ZSWIM5: variants seen among roughly 807,000 people sequenced by gnomAD.
ZSWIM5 encodes the protein zinc finger SWIM-type containing 5, also known as zinc finger SWIM domain-containing protein 5.
Under a neutral mutation model 119.6 loss-of-function variants are expected in ZSWIM5, and 55 were observed. The observed-to-expected ratio is 0.46, with a 90% confidence interval of 0.37 to 0.58. The LOEUF is 0.58. ZSWIM5 is among the 20% of genes least tolerant of loss of function. ZSWIM5 has a pLI of 0.00. For missense variants in ZSWIM5, 1,193 were observed against 1,512.8 expected (o/e 0.79, Z 3.51); for synonymous variants, 537 against 606.9 (o/e 0.88, Z 1.69).
intron 5 of ZSWIM5, among the ~76,000 whole-genome samples, chr1:45,049,613 A>ATT (rs1645078185): frequency 2.0e-5 from 3 of 152,154 alleles, no homozygotes; most frequent in South Asian, 2.1e-4. Context: ...GAGGAGTTTG[A>ATT]CACCAGCCTG....
At chr1:45,098,878 C>G (rs979462755) in intron 1 of ZSWIM5, among the ~76,000 whole-genome samples, 1 of 152,216 alleles carries the variant, frequency 6.6e-6, no homozygotes, top group African/African-American at 2.4e-5. Flanking sequence ...ATACGAGAAT[C>G]TCTGGGACAC....
chr1:45,018,868 GAGAGCACAAGCCC>G lies in ZSWIM5; in HGVS notation c.3131_3143del (p.Trp1044SerfsTer18). On this transcript the variant is annotated frameshift_variant, in exon 14 of 14. Coordinates refer to ENST00000359600, the MANE Select transcript of ZSWIM5 (RefSeq NM_020883.2). LOFTEE classifies it high-confidence loss of function. This position sits in a 1 kb window ranked among gnomAD's most constrained non-coding sequence, Gnocchi z 6.7. ...GCTCATTCTTGCCCAGAGAGTGGCT[GAGAGCACAAGCCC>G]AGAGCACATCATTGATGGCTGGGTG... The G allele has an allele frequency of 8.1e-6, 13 of 1,614,252 alleles. No homozygotes were observed. The highest frequency in any genetic ancestry group is 1.0e-5 in the Non-Finnish European group (12 of 1,180,040).
chr1:45,066,455 T>C (rs1645184586), intron 2 of ZSWIM5, among the ~76,000 whole-genome samples: 1 of 152,144 alleles, frequency 6.6e-6, no homozygotes, highest in African/African-American at 2.4e-5. Flanking sequence ...AAAGAAGGCT[T>C]CTCTGAGAAA....
intron 1 of ZSWIM5, among the ~76,000 whole-genome samples, chr1:45,112,591 C>A (rs1477973921): frequency 6.6e-6 from 1 of 152,102 alleles, no homozygotes; most frequent in Non-Finnish European, 1.5e-5. Context: ...AAAATGACTC[C>A]TGATTGGTAA....
chr1:45,077,687 C>G (rs367976189), intron 2 of ZSWIM5, among the ~76,000 whole-genome samples: 28 of 152,220 alleles, frequency 1.8e-4, no homozygotes, highest in African/African-American at 6.0e-4. Context: ...AGCCTGGGAG[C>G]GCTATGGGAG....
At chr1:45,070,759 T>C (rs1482913494) in intron 2 of ZSWIM5, among the ~76,000 whole-genome samples, 3 of 152,206 alleles carry the variant, frequency 2.0e-5, no homozygotes, top group Admixed American at 2.0e-4. Flanking sequence ...GATAATAACT[T>C]GCTAGTTTTT....
At chr1:45,025,515 A>C (rs940110364) in intron 11 of ZSWIM5, among the ~76,000 whole-genome samples, 4 of 152,166 alleles carry the variant, frequency 2.6e-5, no homozygotes, top group Non-Finnish European at 5.9e-5. Context: ...AGTATTCCTC[A>C]TATCAATCTT....
intron 8 of ZSWIM5, among the ~76,000 whole-genome samples, chr1:45,036,967 T>C (rs905508296): frequency 1.9e-4 from 29 of 150,972 alleles, no homozygotes; most frequent in African/African-American, 7.1e-4. Flanking sequence ...CCCAGATAAT[T>C]TTTAATTTTT....
At chr1:45,196,047 T>G (rs1031570375) in intron 1 of ZSWIM5, among the ~76,000 whole-genome samples, 2 of 148,010 alleles carry the variant, frequency 1.4e-5, no homozygotes, top group Non-Finnish European at 3.0e-5. Flanking sequence ...TTTTTTTTTT[T>G]TTTTTTTTTT....
At chr1:45,026,394 C>A (rs1459959561) in intron 11 of ZSWIM5, among the ~76,000 whole-genome samples, 1 of 151,406 alleles carries the variant, frequency 6.6e-6, no homozygotes, top group Non-Finnish European at 1.5e-5. Context: ...CTCCTCTATT[C>A]CTAGTTTGCT....
chr1:45,028,291 A>T (rs974451391), intron 11 of ZSWIM5, among the ~76,000 whole-genome samples: 8 of 152,242 alleles, frequency 5.3e-5, no homozygotes, highest in Admixed American at 6.5e-5. Context: ...ACCCAAGGTC[A>T]TGAAGACTTA....
In ZSWIM5 at chr1:45,166,181, G is replaced by A. The variant is rs560496756; in HGVS notation, c.595+39575C>T. On this transcript the variant is annotated intron_variant, in intron 1 of 13. Transcript: ENST00000359600. ...GTTCAACATATGCAAATCAATAAAC[G>A]TAATCCATCATATAAACAGAACCAA... Among the ~76,000 whole-genome samples the A allele has an allele frequency of 2.4e-4, 36 of 151,824 alleles. No homozygotes were observed. In the South Asian group the frequency reaches 5.2e-3, roughly 22 times the overall value.
chr1:45,045,057 G>T (rs1645045981), intron 5 of ZSWIM5, among the ~76,000 whole-genome samples: 1 of 16,786 alleles, frequency 6.0e-5, no homozygotes, highest in Non-Finnish European at 1.4e-4. Context: ...TTTTCTCACT[G>T]GAGTCTTATC....
Position 45,206,406 on chromosome 1 carries a change from G to C in ZSWIM5, c.-56C>G, listed in dbSNP as rs867710905. 291 of 1,334,726 alleles carry C rather than the reference G, an allele frequency of 2.2e-4. No homozygotes were observed. The Middle Eastern group carries it at 2.9e-3, about 13-fold the overall frequency. 82.7% of individuals were successfully genotyped at this position (1,334,726 alleles called of 1,614,324 possible). On this transcript the variant is annotated 5_prime_UTR_variant, in exon 1 of 14. Transcript: ENST00000359600. ...CGGCGGCTGCTCGGGCTGCGGCGGA[G>C]ACCCTGGCCACGGCCACGCGCCCCG...
chr1:45,083,604 T>C (rs1486731363), intron 2 of ZSWIM5, among the ~76,000 whole-genome samples: 1 of 152,198 alleles, frequency 6.6e-6, no homozygotes. Context: ...GTTGAACAAC[T>C]GGGAAAGACA....
intron 1 of ZSWIM5, among the ~76,000 whole-genome samples, chr1:45,115,589 C>G (rs981316633): frequency 2.0e-5 from 3 of 148,608 alleles, no homozygotes; most frequent in African/African-American, 7.5e-5. Flanking sequence ...GGCGGCCGGG[C>G]AGAGACGCTC....
In ZSWIM5 at chr1:45,019,383, ATTTG is replaced by A; in HGVS notation, c.2696-71_2696-68del. 6.5e-7 allele frequency: 1 copy of A among 1,539,546 alleles called. No individual in the cohort carries two copies. Among genetic ancestry groups the A allele is most frequent in the South Asian group, 1.2e-5 (1 of 81,050 alleles). ...CTGATTCAGGTCTACCCAGATTACC[ATTTG>A]GGGTTTGAACTTGGCCTGCAGAGAT... On this transcript the variant is annotated intron_variant, in intron 13 of 13. Coordinates refer to ENST00000359600, the MANE Select transcript of ZSWIM5 (RefSeq NM_020883.2). The surrounding 1 kb of genome is among the most constrained non-coding windows in gnomAD (Gnocchi z 5.0).
intron 1 of ZSWIM5, among the ~76,000 whole-genome samples, chr1:45,202,087 C>T (rs1353000233): frequency 1.3e-5 from 2 of 151,874 alleles, no homozygotes; most frequent in Non-Finnish European, 2.9e-5. Flanking sequence ...TGCTAAAAAG[C>T]ACACCCGCTT....
chr1:45,092,755 G>A (rs1645375971), intron 1 of ZSWIM5, among the ~76,000 whole-genome samples: 1 of 152,200 alleles, frequency 6.6e-6, no homozygotes, highest in Admixed American at 6.5e-5. Context: ...CCTCAATTAT[G>A]TGGGTGGGCC....
Sources: allele counts gnomAD v4.1 joint callset (sites outside exome capture counted in the v4.1 genomes callset), GRCh38; gene constraint gnomAD v4.1.1; non-coding constraint Gnocchi (gnomAD v3.1); transcripts MANE v1.5; gene names NCBI Gene and HGNC (gene_info 2026-07-23, HGNC 2026-07-21).